The following COL12A1 variants were observed in gnomAD, a reference collection of about 807,000 sequenced individuals.
COL12A1 encodes collagen type XII alpha 1 chain.
A neutral mutation model predicts 349.7 loss-of-function variants in COL12A1; 114 were observed. The ratio of observed to expected loss-of-function variants is 0.33; its 90% CI spans 0.28 to 0.38. The LOEUF is 0.38. COL12A1 is among the 10% of genes least tolerant of loss of function. The probability of loss-of-function intolerance (pLI) is 1.00; values close to 1 mark genes in which losing one functional copy is unlikely to be tolerated. For missense variants in COL12A1, 3,284 were observed against 3,756.9 expected, an observed-to-expected ratio of 0.87 and a Z score of 3.29; for synonymous variants, 1,369 against 1,329.0, an observed-to-expected ratio of 1.03 and a Z score of -0.66.
At chr6:75,197,016 A>C (rs927889937) in intron 2 of COL12A1, among the ~76,000 whole-genome samples, 1 of 152,078 alleles carries the variant, frequency 6.6e-6, no homozygotes, top group Non-Finnish European at 1.5e-5. Flanking sequence ...AGAATGGCCA[A>C]CCCGCATGGG....
At chr6:75,152,556 C>CCACT in intron 17 of COL12A1, 74 bp from the exon 18 acceptor site, 1 of 1,544,744 alleles carries the variant, frequency 6.5e-7, no homozygotes, top group African/African-American at 1.4e-5. Flanking sequence ...CACACCTCTA[C>CCACT]CACTCCCTGG....
At chr6:75,096,862 C>T (rs1768059935) in intron 59 of COL12A1, among the ~76,000 whole-genome samples, 2 of 135,082 alleles carry the variant, frequency 1.5e-5, no homozygotes, top group East Asian at 2.3e-4. Context: ...CGCCACTGCA[C>T]TCCAGCCTGG....
rs1336319358 is a variant in COL12A1, at chr6:75,087,767, A to C, written c.9011-20T>G. The C allele has an allele frequency of 6.2e-7, 1 of 1,601,278 alleles. No homozygotes were observed. ...GTGGACCTAGTGTGGAGTTAAAACA[A>C]ATATATTTCCCCTCTTGTCAAATAC... On this transcript the variant is annotated intron_variant, in intron 64 of 65. Coordinates refer to ENST00000322507, the MANE Select transcript of COL12A1 (RefSeq NM_004370.6).
At position 75,119,045 on chromosome 6, in the gene COL12A1, G is replaced by A. The variant is rs757889319; in HGVS notation, c.7352C>T (p.Ser2451Leu). 2 of 1,613,874 alleles carry A rather than the reference G, an allele frequency of 1.2e-6. No individual in the cohort carries two copies. The highest frequency in any genetic ancestry group is 8.5e-7 in the Non-Finnish European group (1 of 1,179,840). Residue 2451 changes from serine (S) to leucine (L), a missense_variant and splice_region_variant, in exon 46 of 66, where the codon TCA becomes TTA. Ser to Leu is a moderately radical substitution (Grantham distance 145). This residue lies in a region of COL12A1 where 683 missense variants were observed against 932.1 expected (regional missense o/e 0.73). Coordinates refer to ENST00000322507, the MANE Select transcript of COL12A1 (RefSeq NM_004370.6). ...VKKAALVIQQ[S>L]GFSVFVVGVA... ...ATCAAATTCATGTATGTGCTTGCCTGACTGCTGGATGACCAAAGCCGCCTT... is the reference window on the plus strand; with the variant it reads ...ATCAAATTCATGTATGTGCTTGCCTAACTGCTGGATGACCAAAGCCGCCTT...
At chr6:75,087,532 C>A (rs768155096) in intron 65 of COL12A1, 45 bp downstream of exon 65, 1 of 1,599,916 alleles carries the variant, frequency 6.3e-7, no homozygotes, top group African/African-American at 1.3e-5. Flanking sequence ...CCGTAAAGTT[C>A]TTTACTTCAG....
In COL12A1 at chr6:75,132,098, C is replaced by T; in HGVS notation, c.5795-16G>A. 4 of 1,612,576 alleles carry T rather than the reference C, an allele frequency of 2.5e-6. No homozygotes were observed. Among genetic ancestry groups the T allele is most frequent in the Non-Finnish European group, 3.4e-6 (4 of 1,179,266 alleles). ...CCTCTCATCACTGAGGAAATGAAGG[C>T]CAACATCTATTTTTTAAGTCTGTTT... On this transcript the variant is annotated splice_polypyrimidine_tract_variant and intron_variant, in intron 34 of 65. Transcript: ENST00000322507.
At chr6:75,119,862 G>A (rs1769268919) in intron 44 of COL12A1, among the ~76,000 whole-genome samples, 1 of 152,138 alleles carries the variant, frequency 6.6e-6, no homozygotes. Flanking sequence ...ACTTCCCACT[G>A]ACTATATCCG....
intron 55 of COL12A1, 110 bp from the exon 56 acceptor site, chr6:75,102,802 T>C (rs943545171): frequency 5.6e-6 from 3 of 539,856 alleles, no homozygotes; most frequent in Non-Finnish European, 8.9e-6. Flanking sequence ...CATATAATCT[T>C]TGTAAACTTT....
chr6:75,137,688 A>C, intron 30 of COL12A1, 109 bp from the exon 31 acceptor site: 2 of 1,182,946 alleles, frequency 1.7e-6, no homozygotes, highest in Non-Finnish European at 2.4e-6. Context: ...TGGGTTTATA[A>C]TTAAATTCGT....
intron 12 of COL12A1, among the ~76,000 whole-genome samples, 180 bp from the exon 13 acceptor site, chr6:75,175,490 T>A (rs920104606): frequency 6.6e-6 from 1 of 152,216 alleles, no homozygotes; most frequent in Non-Finnish European, 1.5e-5. Context: ...AGACCCTATA[T>A]GTTAGTAGAA....
At chr6:75,175,359 G>T (rs762298228) in intron 12 of COL12A1, 49 bp from the exon 13 acceptor site, 3 of 1,577,250 alleles carry the variant, frequency 1.9e-6, no homozygotes, top group South Asian at 2.4e-5. Context: ...TTAAAAAAAT[G>T]ACTTGAAAAA....
rs930105988 is a variant in COL12A1 at position 75,090,353 on chromosome 6, G to T, written c.8753-55C>A. ...GAAACCCAATAAAGGACGGATGAGA[G>T]AGTGAAACTGTTTTCTCTTAGTGTC... is the stretch of plus-strand genomic sequence containing the variant. On this transcript the variant is annotated intron_variant, in intron 62 of 65. Coordinates refer to ENST00000322507, the MANE Select transcript of COL12A1 (RefSeq NM_004370.6). This position sits in a 1 kb window ranked among gnomAD's most constrained non-coding sequence, Gnocchi z 4.1. 3 of 1,515,722 alleles carry T rather than the reference G, an allele frequency of 2.0e-6. No individual in the cohort carries two copies. The African/African-American group carries it at 4.1e-5, about 21-fold the overall frequency. The allele number at this position is 1,515,722 out of a possible 1,614,324, so 93.9% of individuals were successfully genotyped here.
chr6:75,188,658 C>A (rs951245498), intron 7 of COL12A1, 123 bp from the exon 8 acceptor site: 3 of 1,083,370 alleles, frequency 2.8e-6, no homozygotes, highest in Non-Finnish European at 4.0e-6. Flanking sequence ...AAGTCATAAG[C>A]CAGAATTGCT....
intron 58 of COL12A1, among the ~76,000 whole-genome samples, chr6:75,099,875 A>G (rs1382374674): frequency 6.6e-6 from 1 of 152,116 alleles, no homozygotes; most frequent in Non-Finnish European, 1.5e-5. Flanking sequence ...ATTCCTCACC[A>G]CAACCCTTGG....
At chr6:75,199,594 T>C (rs588691) in intron 2 of COL12A1, among the ~76,000 whole-genome samples, 137,060 of 152,268 alleles carry the variant, frequency 0.9, 61,849 homozygotes, top group Non-Finnish European at 0.93. Context: ...TGACCATTAA[T>C]CTTTATATGC....
intron 37 of COL12A1, 86 bp from the exon 38 acceptor site, chr6:75,128,511 A>T: frequency 2.6e-6 from 3 of 1,152,380 alleles, no homozygotes; most frequent in Non-Finnish European, 3.4e-6. Flanking sequence ...ATTCCCATAA[A>T]CAGTAATAGT....
Position 75,184,083 on chromosome 6 carries a change from A to G in COL12A1, c.1059T>C (p.Asn353=), listed in dbSNP as rs1375858372. ...TCACTGGACTAGGAGATGGATTCCA[A>G]TTTAGCTTAACATATTTTGAAGAGA... ...MEVSSKYVKL[N]WNPSPSPVTG... Residue 353 remains asparagine, a synonymous_variant, in exon 9 of 66, where the codon AAT becomes AAC. Transcript: ENST00000322507. The G allele has an allele frequency of 7.4e-6, 12 of 1,614,144 alleles. No individual in the cohort carries two copies. Among genetic ancestry groups the G allele is most frequent in the South Asian group, 1.1e-5 (1 of 91,084 alleles).
chr6:75,096,484 A>G (rs2149335859), intron 59 of COL12A1, among the ~76,000 whole-genome samples: 1 of 152,344 alleles, frequency 6.6e-6, no homozygotes, highest in East Asian at 1.9e-4. Flanking sequence ...GTATTTTCCC[A>G]ATATCTTACG....
chr6:75,139,409 T>C (rs1306891487), intron 27 of COL12A1, among the ~76,000 whole-genome samples: 3 of 152,220 alleles, frequency 2.0e-5, no homozygotes, highest in Non-Finnish European at 4.4e-5. Flanking sequence ...TAATATATTA[T>C]ACATTAAAGA....
Sources: gnomAD v4.1 joint callset for allele counts (sites outside exome capture counted in the v4.1 genomes callset) on GRCh38, gnomAD v4.1.1 for gene constraint, gnomAD v4.1.1 regional missense constraint, Gnocchi (gnomAD v3.1) non-coding constraint, MANE v1.5 for transcripts, NCBI Gene and HGNC (gene_info 2026-07-23, HGNC 2026-07-21) for gene names.